Variants in DGKI observed in about 807,000 individuals in gnomAD.
DGKI encodes the protein diacylglycerol kinase iota.
Under a neutral mutation model 147.5 loss-of-function variants are expected in DGKI, and 55 were observed. The observed-to-expected ratio is 0.37, with a 90% CI of 0.30 to 0.47. DGKI has a LOEUF of 0.47. DGKI is among the 20% of genes least tolerant of loss of function. The pLI is 1.00. For synonymous variants in DGKI, 469 were observed against 477.1 expected, an observed-to-expected ratio of 0.98 and a Z score of 0.22; for missense variants, 1,007 against 1,323.8, an observed-to-expected ratio of 0.76 and a Z score of 3.71.
At chr7:137,454,098 T>C (rs369597112) in intron 27 of DGKI, among the ~76,000 whole-genome samples, 267 of 152,266 alleles carry the variant, frequency 1.8e-3, no homozygotes, top group Admixed American at 3.6e-3. Context: ...ATATAATATA[T>C]TCTTAAAAAA....
chr7:137,818,647 T>A (rs2882782), intron 1 of DGKI, among the ~76,000 whole-genome samples: 4,811 of 152,220 alleles, frequency 0.032, 385 homozygotes, highest in East Asian at 0.27. Context: ...TTCACCATGT[T>A]GGTCAGCTGG....
chr7:137,408,092 A>G, intron 29 of DGKI, 97 bp from the exon 30 acceptor site: 9 of 1,446,492 alleles, frequency 6.2e-6, no homozygotes, highest in Middle Eastern at 2.0e-4. Context: ...GCAGACCACA[A>G]TGTTTCCAGC....
intron 21 of DGKI, among the ~76,000 whole-genome samples, chr7:137,521,162 T>G (rs754811054): frequency 1.1e-4 from 16 of 152,038 alleles, no homozygotes; most frequent in Non-Finnish European, 2.1e-4. Flanking sequence ...TTTAACCAAT[T>G]ACCTCATAAA....
intron 1 of DGKI, among the ~76,000 whole-genome samples, chr7:137,820,900 C>T (rs543015151): frequency 6.6e-6 from 1 of 152,280 alleles, no homozygotes; most frequent in African/African-American, 2.4e-5. Context: ...TCTCTAGTTT[C>T]GGCCCCTCAC....
chr7:137,805,864 A>T (rs974052298), intron 1 of DGKI, among the ~76,000 whole-genome samples: 2 of 152,268 alleles, frequency 1.3e-5, no homozygotes, highest in African/African-American at 4.8e-5. Context: ...GAAGGAACTT[A>T]TTTGACTTCA....
intron 20 of DGKI, among the ~76,000 whole-genome samples, chr7:137,537,864 A>C (rs990540495): frequency 2.0e-5 from 3 of 152,164 alleles, no homozygotes; most frequent in Admixed American, 1.3e-4. Flanking sequence ...CTTTGGTATC[A>C]TTTTTGTTAC....
At chr7:137,842,072 G>T (rs1418012488) in intron 1 of DGKI, among the ~76,000 whole-genome samples, 1 of 152,142 alleles carries the variant, frequency 6.6e-6, no homozygotes, top group Non-Finnish European at 1.5e-5. Flanking sequence ...TACTGAGAAA[G>T]GAATTAAATT....
rs1331385591 is a variant in DGKI, at chr7:137,638,604, A to ATATGTG, written c.804+6867_804+6868insCACATA. 3.5e-4 allele frequency among the ~76,000 whole-genome samples: 2 copies of ATATGTG among 5,686 alleles called. 1 individual carries two copies. Among genetic ancestry groups the ATATGTG allele is most frequent in the African/African-American group, 9.5e-4 (2 of 2,098 alleles). 3.7% of individuals were successfully genotyped at this position (5,686 alleles called of 152,430 possible). A position where few individuals can be genotyped will look rare whatever the true frequency, so the allele number is the denominator to read the frequency against. ...TATATACACATATATACATATATGT[A>ATATGTG]TATATATACACACACACATATATAT... On this transcript the variant is annotated intron_variant, in intron 6 of 32. Coordinates refer to ENST00000614521, the MANE Select transcript of DGKI (RefSeq NM_001321708.2).
At chr7:137,588,356 A>T (rs1819482144) in intron 12 of DGKI, among the ~76,000 whole-genome samples, 1 of 152,150 alleles carries the variant, frequency 6.6e-6, no homozygotes, top group South Asian at 2.1e-4. Context: ...ACACTACTTC[A>T]TATAAAACCC....
intron 8 of DGKI, 87 bp from the exon 9 acceptor site, chr7:137,609,696 C>T (rs889300668): frequency 5.1e-5 from 46 of 897,118 alleles, no homozygotes; most frequent in Non-Finnish European, 7.4e-5. Context: ...ATGACGGCAG[C>T]GCATGCTGTT....
rs2128889696 is a variant in DGKI, at chr7:137,383,671, T to C, written c.*7549A>G. The stretch of plus-strand genomic sequence containing the variant: ...GTTTTTCAGAAAGCCCAAACTGTTT[T>C]TCTGGATGCAATGTTTAGGAAAAAT... On this transcript the variant is annotated 3_prime_UTR_variant, in exon 33 of 33. Transcript: ENST00000614521. 6.6e-6 allele frequency: 1 copy of C among 152,148 alleles called. No homozygotes were observed. The highest frequency in any genetic ancestry group is 2.4e-5 in the African/African-American group (1 of 41,560). 9.4% of individuals were successfully genotyped at this position (152,148 alleles called of 1,614,324 possible). A position where few individuals can be genotyped will look rare whatever the true frequency, so the allele number is the denominator to read the frequency against.
At chr7:137,672,443 T>C (rs1348461995) in intron 3 of DGKI, among the ~76,000 whole-genome samples, 6 of 152,198 alleles carry the variant, frequency 3.9e-5, no homozygotes, top group African/African-American at 1.2e-4. Flanking sequence ...AAACATTGTG[T>C]GAGCATTTCT....
rs1044801297 is a variant in DGKI, at chr7:137,463,514, C to T, written c.2710G>A (p.Asp904Asn). The change falls in exon 27 of 33, where the codon GAT becomes AAT. Residue 904 changes from aspartate (D) to asparagine (N), a missense_variant. This residue lies in a region of DGKI where 385 missense variants were observed against 445.2 expected (regional missense o/e 0.86). Coordinates refer to ENST00000614521, the MANE Select transcript of DGKI (RefSeq NM_001321708.2). The part of the protein sequence containing the change: ...APYYEDSDLK[D>N]LSHSRVLQSP... ...TGTAGCACGCGGGAGTGGCTGAGAT[C>T]TTTCAGATCTGAGTCCTCATAATAG... The T allele has an allele frequency of 5.6e-6, 9 of 1,614,168 alleles. No individual in the cohort carries two copies. The highest frequency in any genetic ancestry group is 7.6e-6 in the Non-Finnish European group (9 of 1,180,026).
intron 20 of DGKI, among the ~76,000 whole-genome samples, chr7:137,531,205 G>A (rs78783484): frequency 0.021 from 3,210 of 152,212 alleles, 142 homozygotes; most frequent in East Asian, 0.11. Context: ...GAAGAATTCT[G>A]CAAATTCCAA....
chr7:137,608,373 T>A (rs1008242877), intron 10 of DGKI, among the ~76,000 whole-genome samples: 18 of 152,222 alleles, frequency 1.2e-4, no homozygotes, highest in Admixed American at 9.8e-4. Context: ...CCAGTGTCAC[T>A]TTAGGCATGC....
chr7:137,458,459 A>AG (rs1424780006), intron 27 of DGKI, among the ~76,000 whole-genome samples: 6 of 152,264 alleles, frequency 3.9e-5, no homozygotes, highest in Admixed American at 6.5e-5. Flanking sequence ...GGGGACATTG[A>AG]GAAAAAGTAC....
chr7:137,680,915 G>A (rs776663759), intron 2 of DGKI, among the ~76,000 whole-genome samples: 1 of 152,152 alleles, frequency 6.6e-6, no homozygotes, highest in Non-Finnish European at 1.5e-5. Flanking sequence ...TCAGGGCCTA[G>A]TGACTCAAAT....
intron 27 of DGKI, among the ~76,000 whole-genome samples, chr7:137,461,153 G>A (rs1814428385): frequency 1.3e-5 from 2 of 152,300 alleles, no homozygotes; most frequent in South Asian, 2.1e-4. Context: ...GCTCTGGTAC[G>A]CTGACTTTGT....
intron 1 of DGKI, among the ~76,000 whole-genome samples, chr7:137,732,744 C>T (rs1794919388): frequency 6.6e-6 from 1 of 151,994 alleles, no homozygotes; most frequent in Non-Finnish European, 1.5e-5. Flanking sequence ...CCCCAGCCCG[C>T]CTTTTGTATT....
Sources: allele counts gnomAD v4.1 joint callset (sites outside exome capture counted in the v4.1 genomes callset), GRCh38; gene constraint gnomAD v4.1.1; regional missense constraint gnomAD v4.1.1; transcripts MANE v1.5; gene names NCBI Gene and HGNC (gene_info 2026-07-23, HGNC 2026-07-21).